ZNF445: variants seen among roughly 807,000 people sequenced by gnomAD.
The protein encoded by ZNF445 is zinc finger protein 445, also known as zinc finger protein 168.
A neutral mutation model predicts 93.9 loss-of-function variants in ZNF445; 19 were observed. That is an observed-to-expected ratio of 0.20 (90% CI 0.14 to 0.30). The LOEUF (loss-of-function observed/expected upper bound fraction) is 0.30, where lower values mean the gene tolerates loss of function less well. ZNF445 is among the 10% of genes least tolerant of loss of function. The pLI is 1.00. For synonymous variants in ZNF445, 449 were observed against 446.3 expected, an observed-to-expected ratio of 1.01 and a Z score of -0.08; for missense variants, 1,058 against 1,259.4, an observed-to-expected ratio of 0.84 and a Z score of 2.42.
chr3:44,473,426 C>T (rs1698298983), intron 1 of ZNF445, among the ~76,000 whole-genome samples: 1 of 147,960 alleles, frequency 6.8e-6, no homozygotes, highest in African/African-American at 2.6e-5. Context: ...TGCACTCCAG[C>T]CTGGGCAACG....
In ZNF445 at chr3:44,447,900, G is replaced by C; in HGVS notation, c.1771C>G (p.Gln591Glu). 6.2e-7 allele frequency: 1 copy of C among 1,613,780 alleles called. No homozygotes were observed. Among genetic ancestry groups the C allele is most frequent in the East Asian group, 2.2e-5 (1 of 44,870 alleles). Residue 591 changes from glutamine to glutamate, a missense_variant, in exon 8 of 8, where the codon CAA becomes GAA. This residue lies in a region of ZNF445 where 657 missense variants were observed against 746.4 expected (regional missense o/e 0.88). Coordinates refer to ENST00000396077, the MANE Select transcript of ZNF445 (RefSeq NM_181489.6). This position sits in a 1 kb window ranked among gnomAD's most constrained non-coding sequence, Gnocchi z 4.7. ...SSGFDHHLGD[Q>E]SGEKLFDCSQ... is the part of the protein sequence containing the mutation. ...CAGTCAAAGAGTTTCTCCCCACTTT[G>C]GTCTCCCAAATGATGATCAAACCCT... is the stretch of plus-strand genomic sequence containing the variant.
At chr3:44,455,930 A>G (rs1216081434) in intron 2 of ZNF445, among the ~76,000 whole-genome samples, 1 of 152,226 alleles carries the variant, frequency 6.6e-6, no homozygotes, top group Non-Finnish European at 1.5e-5. Context: ...AGGGATGATG[A>G]AAAAAGTCAG....
chr3:44,465,262 ATT>A (rs1474691495), intron 1 of ZNF445, among the ~76,000 whole-genome samples: 4 of 152,146 alleles, frequency 2.6e-5, no homozygotes, highest in Non-Finnish European at 5.9e-5. Flanking sequence ...AGGGAATGTA[ATT>A]TTGTCTATTT....
rs553696620 is a variant in ZNF445 at position 44,444,148 on chromosome 3, G to A, written c.*2427C>T. 3.9e-5 allele frequency: 6 copies of A among 152,232 alleles called. No individual in the cohort carries two copies. The highest frequency in any genetic ancestry group is 1.2e-4 in the African/African-American group (5 of 41,530). 9.4% of individuals were successfully genotyped at this position (152,232 alleles called of 1,614,324 possible). ...CAACCCTGTCTCAAAAAATAAAAAA[G>A]ACAGTAAAAATATCCCTATACTGGG... On this transcript the variant is annotated 3_prime_UTR_variant, in exon 8 of 8. Transcript: ENST00000396077.
Position 44,446,575 on chromosome 3 carries a change from C to G in ZNF445, c.3096G>C (p.Ter1032TyrextTer4). 6.2e-7 allele frequency: 1 copy of G among 1,614,158 alleles called. No individual in the cohort carries two copies. Among genetic ancestry groups the G allele is most frequent in the Non-Finnish European group, 8.5e-7 (1 of 1,180,030 alleles). ...ARHMKNHIRD* is the reference protein window; with the variant it reads ...ARHMKNHIRDY Reference sequence around the variant, plus strand: ...CCCACTGTCACTGTCAGGTCCCAGGCTAATCTCTAATATGGTTTTTCATAT... The same window carrying G: ...CCCACTGTCACTGTCAGGTCCCAGGGTAATCTCTAATATGGTTTTTCATAT... Residue 1032 changes from the stop codon to tyrosine, a stop_lost, in exon 8 of 8, where the codon TAG (stop) becomes TAC (tyrosine). Transcript: ENST00000396077. The surrounding 1 kb of genome is among the most constrained non-coding windows in gnomAD (Gnocchi z 4.2).
At position 44,450,905 on chromosome 3, in the gene ZNF445, T is replaced by A; in HGVS notation, c.656A>T (p.Gln219Leu). 6.3e-7 allele frequency: 1 copy of A among 1,597,304 alleles called. No individual in the cohort carries two copies. The highest frequency in any genetic ancestry group is 8.5e-7 in the Non-Finnish European group (1 of 1,172,438). ...TGTCAGGGACCTGGTTGGTGTTACCTGGTCTCCCGGGCACCCCTCTCTCGG... is the reference window on the plus strand; with the variant it reads ...TGTCAGGGACCTGGTTGGTGTTACCAGGTCTCCCGGGCACCCCTCTCTCGG... ...LFPREGCPGD[Q>L]VTPTRSLTAQ... is the part of the protein sequence containing the mutation. Residue 219 changes from glutamine to leucine, a missense_variant, in exon 5 of 8, where the codon CAG becomes CTG. By Grantham distance (113) the Gln-to-Leu change is moderately radical (BLOSUM62 -2). This residue lies in a region of ZNF445 where 657 missense variants were observed against 746.4 expected (regional missense o/e 0.88). Transcript: ENST00000396077.
At chr3:44,454,018 G>T (rs1039978939) in intron 3 of ZNF445, among the ~76,000 whole-genome samples, 1 of 151,726 alleles carries the variant, frequency 6.6e-6, no homozygotes, top group East Asian at 1.9e-4. Context: ...GTCCTCAAAA[G>T]CTTAGTGAGA....
At chr3:44,461,787 G>T (rs1472952539) in intron 1 of ZNF445, among the ~76,000 whole-genome samples, 2 of 152,224 alleles carry the variant, frequency 1.3e-5, no homozygotes, top group Non-Finnish European at 2.9e-5. Context: ...TCCCCATGCA[G>T]CCTGTTGGGC....
intron 1 of ZNF445, among the ~76,000 whole-genome samples, chr3:44,465,310 G>A (rs1257882186): frequency 1.3e-5 from 2 of 151,972 alleles, no homozygotes; most frequent in Non-Finnish European, 2.9e-5. Context: ...CCTAAAAGAG[G>A]AATGGAACAA....
At chr3:44,448,833 G>T in intron 7 of ZNF445, 94 bp from the exon 8 acceptor site, 1 of 1,420,856 alleles carries the variant, frequency 7.0e-7, no homozygotes. Flanking sequence ...GGGTGGTGAG[G>T]CTTTTGCCTG....
intron 1 of ZNF445, among the ~76,000 whole-genome samples, chr3:44,460,814 A>C (rs1313358930): frequency 6.6e-6 from 1 of 152,208 alleles, no homozygotes; most frequent in Non-Finnish European, 1.5e-5. Context: ...AGCTCTGTCT[A>C]AGCAGCAGGC....
Position 44,437,505 on chromosome 3 carries a change from A to T in ZNF445, c.*9070T>A, listed in dbSNP as rs1313762147. The T allele has an allele frequency of 6.6e-6, 1 of 152,202 alleles. No individual in the cohort carries two copies. Among genetic ancestry groups the T allele is most frequent in the Non-Finnish European group, 1.5e-5 (1 of 68,048 alleles). 9.4% of individuals were successfully genotyped at this position (152,202 alleles called of 1,614,324 possible). ...GTGCAAAGCAAAAACAAGTTTATTA[A>T]GAAAGTAAAGTGGTGAAAGGACAGC... On this transcript the variant is annotated 3_prime_UTR_variant, in exon 8 of 8. Coordinates refer to ENST00000396077, the MANE Select transcript of ZNF445 (RefSeq NM_181489.6).
chr3:44,450,597 G>A lies in ZNF445; in HGVS notation c.694-24C>T. ...TCCTGAAAAAACACTGTGCCCTAGA[G>A]CTGGTCCACAGCTCCCAGCTTTGAG... is the stretch of plus-strand genomic sequence containing the variant. On this transcript the variant is annotated intron_variant, in intron 5 of 7. Coordinates refer to ENST00000396077, the MANE Select transcript of ZNF445 (RefSeq NM_181489.6). 7 of 1,609,144 alleles carry A rather than the reference G, an allele frequency of 4.4e-6. No individual in the cohort carries two copies. The South Asian group carries it at 7.7e-5, about 18-fold the overall frequency.
Position 44,455,616 on chromosome 3 carries a change from G to C in ZNF445, c.-67C>G, listed in dbSNP as rs1390753014. 6.9e-7 allele frequency: 1 copy of C among 1,452,974 alleles called. No individual in the cohort carries two copies. The highest frequency in any genetic ancestry group is 1.4e-5 in the African/African-American group (1 of 70,442). 90.0% of individuals were successfully genotyped at this position (1,452,974 alleles called of 1,614,324 possible). A position where few individuals can be genotyped will look rare whatever the true frequency, so the allele number is the denominator to read the frequency against. ...CCACCTTAGACGTGGGTCCTCAGAA[G>C]TATCTTCTCAGCAGTCAACAATGCC... is the stretch of plus-strand genomic sequence containing the variant. On this transcript the variant is annotated 5_prime_UTR_variant, in exon 3 of 8. Transcript: ENST00000396077.
chr3:44,472,501 T>C (rs1468540750), intron 1 of ZNF445, among the ~76,000 whole-genome samples: 2 of 152,222 alleles, frequency 1.3e-5, no homozygotes, highest in African/African-American at 4.8e-5. Context: ...GCATGCCACC[T>C]TGCCTGGCAG....
chr3:44,470,005 G>A (rs995127479), intron 1 of ZNF445, among the ~76,000 whole-genome samples: 2 of 152,052 alleles, frequency 1.3e-5, no homozygotes, highest in African/African-American at 4.8e-5. Flanking sequence ...ACAGCTCACT[G>A]CAGCCTCAAA....
intron 2 of ZNF445, among the ~76,000 whole-genome samples, chr3:44,455,935 A>C (rs1272885015): frequency 6.6e-6 from 1 of 152,238 alleles, no homozygotes; most frequent in African/African-American, 2.4e-5. Context: ...TGATGAAAAA[A>C]GTCAGAGAAG....
intron 1 of ZNF445, among the ~76,000 whole-genome samples, chr3:44,471,684 G>A (rs1463792810): frequency 1.3e-5 from 2 of 152,150 alleles, no homozygotes; most frequent in Non-Finnish European, 2.9e-5. Context: ...CACACTAGAA[G>A]GCATGCAATC....
rs1697879593 is a variant in ZNF445, at chr3:44,446,530, C to T, written c.*45G>A. The T allele has an allele frequency of 6.2e-7, 1 of 1,610,264 alleles. No homozygotes were observed. The highest frequency in any genetic ancestry group is 8.5e-7 in the Non-Finnish European group (1 of 1,179,164). ...ATGCCTATAATTAAGGGTTCTCTAGCAGGGGACTGAGAACCCACCCCCACT... is the reference window on the plus strand; with the variant it reads ...ATGCCTATAATTAAGGGTTCTCTAGTAGGGGACTGAGAACCCACCCCCACT... On this transcript the variant is annotated 3_prime_UTR_variant, in exon 8 of 8. Transcript: ENST00000396077. The surrounding 1 kb of genome is among the most constrained non-coding windows in gnomAD (Gnocchi z 4.2).
Sources: allele counts gnomAD v4.1 joint callset (sites outside exome capture counted in the v4.1 genomes callset), GRCh38; gene constraint gnomAD v4.1.1; regional missense constraint gnomAD v4.1.1; non-coding constraint Gnocchi (gnomAD v3.1); transcripts MANE v1.5; gene names NCBI Gene and HGNC (gene_info 2026-07-23, HGNC 2026-07-21).